Variants in ACTR3C observed in about 807,000 individuals in gnomAD.
ACTR3C encodes the protein actin-related protein 3C.
Under a neutral mutation model 26.3 loss-of-function variants are expected in ACTR3C, and 18 were observed. The observed-to-expected ratio is 0.68, with a 90% CI of 0.47 to 1.01. The LOEUF is 1.01. Ranked by LOEUF, ACTR3C falls within the 50% of genes least tolerant of loss-of-function variation. The pLI is 0.00. For missense variants in ACTR3C, 184 were observed against 250.7 expected (o/e 0.73, Z 1.80); for synonymous variants, 55 against 94.5 (o/e 0.58, Z 2.42).
chr7:150,322,971 TGGCACGCACAGCGCC>T (rs1191978526), intron 1 of ACTR3C: 1 of 152,606 alleles, frequency 6.6e-6, no homozygotes, highest in Non-Finnish European at 1.5e-5. Context: ...GCGGTCAGCC[TGGCACGCACAGCGCC>T]GGCGTGCAGG....
At chr7:149,883,083 A>G in the ACTR3C span, among the ~76,000 whole-genome samples, 3 of 152,236 alleles carry the variant, frequency 2.0e-5, no homozygotes, top group Non-Finnish European at 2.9e-5. Flanking sequence ...TTTAACGTAA[A>G]TGCTCTAAGA....
chr7:150,056,766 A>G, the ACTR3C span, among the ~76,000 whole-genome samples: 3 of 145,560 alleles, frequency 2.1e-5, no homozygotes, highest in African/African-American at 5.2e-5. Flanking sequence ...AATCATCACC[A>G]TTGTGCTCCT....
chr7:150,019,606 AAT>A, the ACTR3C span, among the ~76,000 whole-genome samples: 5 of 57,568 alleles, frequency 8.7e-5, no homozygotes, highest in Non-Finnish European at 1.5e-4. Flanking sequence ...TAAAAATAAT[AAT>A]AATAATAATA....
chr7:150,228,018 C>A, the ACTR3C span, among the ~76,000 whole-genome samples: 2 of 152,062 alleles, frequency 1.3e-5, no homozygotes, highest in Non-Finnish European at 2.9e-5. Context: ...ATTTTAGCTT[C>A]TGTTTGTTGA....
the ACTR3C span, among the ~76,000 whole-genome samples, chr7:150,011,355 G>T: frequency 6.6e-6 from 1 of 152,034 alleles, no homozygotes; most frequent in Non-Finnish European, 1.5e-5. Context: ...GGGAGGCCAA[G>T]GCAGGCAGAT....
At chr7:150,110,405 C>T in the ACTR3C span, among the ~76,000 whole-genome samples, 98 of 132,228 alleles carry the variant, frequency 7.4e-4, no homozygotes, top group African/African-American at 3.0e-3. Flanking sequence ...GTGGCAGGGG[C>T]GGGACTGCTC....
chr7:149,954,183 T>C, the ACTR3C span, among the ~76,000 whole-genome samples: 1 of 152,152 alleles, frequency 6.6e-6, no homozygotes, highest in South Asian at 2.1e-4. Context: ...TTCATGGTTT[T>C]ATTAATAATG....
chr7:149,947,523 C>T, the ACTR3C span, among the ~76,000 whole-genome samples: 15 of 98,528 alleles, frequency 1.5e-4, no homozygotes, highest in Non-Finnish European at 2.7e-4. Context: ...GGGAAGGAAT[C>T]TCACTGCAAT....
chr7:150,162,731 A>T, the ACTR3C span, among the ~76,000 whole-genome samples: 1 of 152,214 alleles, frequency 6.6e-6, no homozygotes, highest in South Asian at 2.1e-4. Flanking sequence ...AATGGCAACA[A>T]TATCATCACC....
At chr7:150,048,407 G>A in the ACTR3C span, among the ~76,000 whole-genome samples, 1 of 152,042 alleles carries the variant, frequency 6.6e-6, no homozygotes, top group Admixed American at 6.5e-5. Context: ...CCCGGAGAGG[G>A]CACGGGGTCG....
chr7:150,046,297 A>G, the ACTR3C span, among the ~76,000 whole-genome samples: 1 of 130,692 alleles, frequency 7.7e-6, no homozygotes, highest in Non-Finnish European at 1.6e-5. Flanking sequence ...CTGATTTCAT[A>G]GTATCTGGCA....
At chr7:150,124,506 A>G in the ACTR3C span, among the ~76,000 whole-genome samples, 3 of 152,000 alleles carry the variant, frequency 2.0e-5, no homozygotes, top group Non-Finnish European at 4.4e-5. Flanking sequence ...GCGCCCAAGA[A>G]GATGTATAAA....
the ACTR3C span, among the ~76,000 whole-genome samples, chr7:150,024,487 CCTGTGG>C: frequency 6.8e-6 from 1 of 147,184 alleles, no homozygotes; most frequent in African/African-American, 2.5e-5. Context: ...TAAGTGAGGG[CCTGTGG>C]CTTCCGACAG....
chr7:149,980,739 G>A, the ACTR3C span, among the ~76,000 whole-genome samples: 70 of 152,280 alleles, frequency 4.6e-4, 1 homozygote, highest in South Asian at 0.014. Flanking sequence ...TTACCTAACA[G>A]GCACACCATA....
the ACTR3C span, among the ~76,000 whole-genome samples, chr7:150,037,706 G>C: frequency 5.4e-4 from 55 of 102,524 alleles, no homozygotes; most frequent in East Asian, 1.7e-3. Flanking sequence ...GATCAATGAT[G>C]GGGGGTCCTA....
At chr7:149,961,385 G>A in the ACTR3C span, among the ~76,000 whole-genome samples, 2 of 151,750 alleles carry the variant, frequency 1.3e-5, no homozygotes, top group Non-Finnish European at 2.9e-5. Flanking sequence ...GGAAGTGTAT[G>A]CTCACAGGAA....
chr7:150,112,231 G>C, the ACTR3C span, among the ~76,000 whole-genome samples: 1 of 152,006 alleles, frequency 6.6e-6, no homozygotes, highest in Non-Finnish European at 1.5e-5. Flanking sequence ...TGACTCATGG[G>C]GCTGGGAACG....
At chr7:150,128,443 T>C in the ACTR3C span, among the ~76,000 whole-genome samples, 1 of 152,124 alleles carries the variant, frequency 6.6e-6, no homozygotes, top group Non-Finnish European at 1.5e-5. Flanking sequence ...CAAGCATAGC[T>C]TTCACAGAAC....
In ACTR3C at chr7:150,265,579, A is replaced by G. The variant is rs183356951; in HGVS notation, c.565-16525T>C. Among the ~76,000 whole-genome samples, 50 of 152,298 alleles carry G rather than the reference A, an allele frequency of 3.3e-4. 1 individual carries two copies. In the East Asian group the frequency reaches 8.9e-3, roughly 27 times the overall value. ...CATGGTGGCACACACCTGTAATCCC[A>G]GCTACTCAGGAGGCTGAGGCAGGAG... On this transcript the variant is annotated intron_variant, in intron 6 of 7. Coordinates refer to ENST00000683684, the MANE Select transcript of ACTR3C (RefSeq NM_001164458.2).
Sources: gnomAD v4.1 joint callset for allele counts (sites outside exome capture counted in the v4.1 genomes callset) on GRCh38, gnomAD v4.1.1 for gene constraint, MANE v1.5 for transcripts, NCBI Gene and HGNC (gene_info 2026-07-23, HGNC 2026-07-21) for gene names.